CSMD1: variants seen among roughly 807,000 people sequenced by gnomAD.
CSMD1 encodes the protein CUB and sushi domain-containing protein 1.
Under a neutral mutation model 417.5 loss-of-function variants are expected in CSMD1, and 213 were observed. That is an observed-to-expected ratio of 0.51 (90% CI 0.46 to 0.57). The LOEUF is 0.57. Among genes scored for constraint, CSMD1 ranks in the 20% least tolerant of loss-of-function variants. The pLI is 0.00. For synonymous variants in CSMD1, 2,862 were observed against 1,736.8 expected, an observed-to-expected ratio of 1.65 and a Z score of -16.11; for missense variants, 6,923 against 4,529.7, an observed-to-expected ratio of 1.53 and a Z score of -15.17.
intron 40 of CSMD1, among the ~76,000 whole-genome samples, chr8:3,148,746 G>A (rs1042310500): frequency 2.0e-5 from 3 of 152,086 alleles, no homozygotes; most frequent in Non-Finnish European, 4.4e-5. Flanking sequence ...TCCTACCAGG[G>A]GCATCATAAT....
intron 3 of CSMD1, among the ~76,000 whole-genome samples, chr8:4,363,152 T>G (rs1801872780): frequency 6.6e-6 from 1 of 152,124 alleles, no homozygotes; most frequent in Admixed American, 6.5e-5. Context: ...TGAGAGACAG[T>G]TTCAAACATA....
chr8:4,025,608 T>A (rs1316328802), intron 4 of CSMD1, among the ~76,000 whole-genome samples: 2 of 152,208 alleles, frequency 1.3e-5, no homozygotes, highest in East Asian at 3.9e-4. Context: ...TTTTTAAGAC[T>A]GGCAGAACAT....
intron 5 of CSMD1, among the ~76,000 whole-genome samples, chr8:3,761,880 C>G (rs1052926192): frequency 6.6e-6 from 1 of 152,198 alleles, no homozygotes; most frequent in East Asian, 1.9e-4. Context: ...AAGGCCTTCT[C>G]TCTCCCTGAC....
intron 2 of CSMD1, among the ~76,000 whole-genome samples, chr8:4,619,033 T>C (rs1043224342): frequency 6.6e-6 from 1 of 152,168 alleles, no homozygotes; most frequent in African/African-American, 2.4e-5. Flanking sequence ...ATAATTTACC[T>C]ATTTACTTCT....
At chr8:3,527,827 G>A (rs1428083479) in intron 10 of CSMD1, among the ~76,000 whole-genome samples, 1 of 152,204 alleles carries the variant, frequency 6.6e-6, no homozygotes, top group Admixed American at 6.5e-5. Context: ...TTTAATAACA[G>A]TAGATGTGCA....
intron 5 of CSMD1, among the ~76,000 whole-genome samples, chr8:3,870,169 T>G: frequency 6.6e-6 from 1 of 152,196 alleles, no homozygotes. Flanking sequence ...GAATCTTGGT[T>G]AAAGAGGTTC....
chr8:4,936,880 A>C (rs1261964690), intron 1 of CSMD1, among the ~76,000 whole-genome samples: 1 of 152,212 alleles, frequency 6.6e-6, no homozygotes, highest in Non-Finnish European at 1.5e-5. Context: ...TTTTTTGTTC[A>C]AATTATTATT....
At chr8:3,253,942 A>G (rs1038929722) in intron 26 of CSMD1, among the ~76,000 whole-genome samples, 9 of 152,256 alleles carry the variant, frequency 5.9e-5, no homozygotes, top group Admixed American at 2.6e-4. Context: ...TATTTTGCTC[A>G]TTAGTTGATG....
chr8:3,594,538 T>C (rs1390128076), intron 8 of CSMD1, among the ~76,000 whole-genome samples: 1 of 152,212 alleles, frequency 6.6e-6, no homozygotes, highest in Non-Finnish European at 1.5e-5. Flanking sequence ...GGAATGTTTT[T>C]CAAAGGTTAT....
intron 52 of CSMD1, among the ~76,000 whole-genome samples, chr8:3,008,987 C>G (rs1287663515): frequency 2.0e-5 from 3 of 152,192 alleles, no homozygotes; most frequent in African/African-American, 7.2e-5. Context: ...AATGGGTTCC[C>G]TGATTTGGAA....
chr8:4,063,040 T>C (rs557014684), intron 3 of CSMD1, among the ~76,000 whole-genome samples: 60 of 152,274 alleles, frequency 3.9e-4, no homozygotes, highest in African/African-American at 1.4e-3. Flanking sequence ...GGAAGAAACG[T>C]TGGCTAATAG....
At chr8:3,822,055 T>G (rs1801766057) in intron 5 of CSMD1, among the ~76,000 whole-genome samples, 1 of 152,220 alleles carries the variant, frequency 6.6e-6, no homozygotes, top group Non-Finnish European at 1.5e-5. Context: ...TCTCTGCCTT[T>G]TGACCTATGC....
chr8:4,032,998 TGCTACCTGGAG>T (rs1222038029), intron 3 of CSMD1, among the ~76,000 whole-genome samples: 1 of 152,086 alleles, frequency 6.6e-6, no homozygotes, highest in Non-Finnish European at 1.5e-5. Context: ...TGCGGAAGCC[TGCTACCTGGAG>T]GCTTTGTATG....
At chr8:3,146,645 G>C (rs941080533) in intron 40 of CSMD1, among the ~76,000 whole-genome samples, 2 of 152,080 alleles carry the variant, frequency 1.3e-5, no homozygotes, top group African/African-American at 4.8e-5. Flanking sequence ...GAGTTCCCTT[G>C]GTCATTTTGA....
chr8:4,986,005 T>C (rs934227855), intron 1 of CSMD1, among the ~76,000 whole-genome samples: 1 of 152,214 alleles, frequency 6.6e-6, no homozygotes, highest in African/African-American at 2.4e-5. Flanking sequence ...TTTTGTGAAG[T>C]GCCGATCATA....
intron 10 of CSMD1, among the ~76,000 whole-genome samples, chr8:3,537,518 G>C (rs925671599): frequency 1.3e-5 from 2 of 152,066 alleles, no homozygotes; most frequent in African/African-American, 4.8e-5. Flanking sequence ...ATAAATGTTT[G>C]GACAAACCCC....
chr8:4,574,686 G>A (rs1439197282), intron 2 of CSMD1, among the ~76,000 whole-genome samples: 1 of 152,134 alleles, frequency 6.6e-6, no homozygotes, highest in East Asian at 1.9e-4. Context: ...CTCTCTTCCA[G>A]ATATGTGGGG....
intron 3 of CSMD1, among the ~76,000 whole-genome samples, chr8:4,159,896 G>A (rs570623472): frequency 2.0e-5 from 3 of 152,132 alleles, no homozygotes; most frequent in Admixed American, 6.5e-5. Context: ...CTATGAGGAT[G>A]CAAAGGCTTA....
intron 18 of CSMD1, among the ~76,000 whole-genome samples, chr8:3,385,275 A>ATATG (rs1249776363): frequency 6.7e-6 from 1 of 149,706 alleles, no homozygotes; most frequent in Non-Finnish European, 1.5e-5. Context: ...GTATGAATAT[A>ATATG]TATGTATGTA....
Sources: gnomAD v4.1 joint callset for allele counts (sites outside exome capture counted in the v4.1 genomes callset) on GRCh38, gnomAD v4.1.1 for gene constraint, MANE v1.5 for transcripts, NCBI Gene and HGNC (gene_info 2026-07-23, HGNC 2026-07-21) for gene names.